The following EXOC1L variants were observed in gnomAD, a reference collection of about 807,000 sequenced individuals.
EXOC1L encodes exocyst complex component 1 like, also known as exocyst complex component 1-like.
Under a neutral mutation model 4.9 loss-of-function variants are expected in EXOC1L, and 10 were observed. The ratio of observed to expected loss-of-function variants is 2.02; its 90% CI spans 1.25 to 3.43. The LOEUF is 3.43. Ranked by LOEUF, EXOC1L falls within the 30% of genes most tolerant of loss-of-function variation. The pLI is 0.00. For missense variants in EXOC1L, 114 were observed against 59.4 expected, an observed-to-expected ratio of 1.92 and a Z score of -3.02; for synonymous variants, 41 against 20.8, an observed-to-expected ratio of 1.97 and a Z score of -2.63.
rs558271839 is a variant in EXOC1L at position 55,830,944 on chromosome 4, G to T, written c.122-390G>T. 6.6e-5 allele frequency among the ~76,000 whole-genome samples: 10 copies of T among 152,244 alleles called. No individual in the cohort carries two copies. The South Asian group carries it at 2.1e-3, about 32-fold the overall frequency. On this transcript the variant is annotated intron_variant, in intron 1 of 2. Transcript: ENST00000636125. ...TTCCATGACCTCATTTGCTTATATTGTCATAAATTAAAATTCCAACGTGTT... is the reference window on the plus strand; with the variant it reads ...TTCCATGACCTCATTTGCTTATATTTTCATAAATTAAAATTCCAACGTGTT...
intron 1 of EXOC1L, among the ~76,000 whole-genome samples, chr4:55,827,545 TTGGTACAAAA>T (rs1553920098): frequency 6.6e-6 from 1 of 152,198 alleles, no homozygotes; most frequent in Non-Finnish European, 1.5e-5. Context: ...AACACAGTGC[TTGGTACAAAA>T]AGGGCACTCG....
chr4:55,823,364 A>G lies in EXOC1L; in HGVS notation c.121+3217A>G, dbSNP rs556796117. Reference sequence around the variant, plus strand: ...GCTGCTACATTTGTGAATTCCCAATATCTTAACAACAGAGAGCACAATCTA... The same window carrying G: ...GCTGCTACATTTGTGAATTCCCAATGTCTTAACAACAGAGAGCACAATCTA... On this transcript the variant is annotated intron_variant, in intron 1 of 2. Transcript: ENST00000636125. Among the ~76,000 whole-genome samples, 23 of 152,314 alleles carry G rather than the reference A, an allele frequency of 1.5e-4. No homozygotes were observed. The East Asian group carries it at 3.9e-3, about 26-fold the overall frequency.
chr4:55,819,944 A>C lies in EXOC1L; in HGVS notation c.-83A>C. ...GGCAGGACTCACCAAGGAGCTGCAA[A>C]CCCAAACGAGAAATCTAGGGAGCAA... On this transcript the variant is annotated 5_prime_UTR_variant, in exon 1 of 3. Coordinates refer to ENST00000636125, the MANE Select transcript of EXOC1L (RefSeq NM_001351574.3). The C allele has an allele frequency of 2.5e-6, 1 of 396,344 alleles. No individual in the cohort carries two copies. The highest frequency in any genetic ancestry group is 4.5e-6 in the Non-Finnish European group (1 of 224,676). 24.6% of individuals were successfully genotyped at this position (396,344 alleles called of 1,614,324 possible).
chr4:55,820,820 C>G (rs1176440237), intron 1 of EXOC1L, among the ~76,000 whole-genome samples: 2 of 152,158 alleles, frequency 1.3e-5, no homozygotes, highest in African/African-American at 2.4e-5. Context: ...TTCCAAAATT[C>G]ATAAAAATTG....
intron 2 of EXOC1L, among the ~76,000 whole-genome samples, chr4:55,835,279 CA>C (rs1720131947): frequency 6.6e-6 from 1 of 151,478 alleles, no homozygotes; most frequent in African/African-American, 2.4e-5. Flanking sequence ...GGGCTGGTTC[CA>C]TATTTTTGCA....
chr4:55,827,143 G>A (rs1719905325), intron 1 of EXOC1L, among the ~76,000 whole-genome samples: 1 of 152,080 alleles, frequency 6.6e-6, no homozygotes, highest in Non-Finnish European at 1.5e-5. Flanking sequence ...TTCTCAGCCT[G>A]GTATTCTAGA....
chr4:55,833,994 C>A (rs12504347), intron 2 of EXOC1L, among the ~76,000 whole-genome samples: 11,771 of 151,930 alleles, frequency 0.077, 514 homozygotes, highest in African/African-American at 0.086. Context: ...AATACCCTGA[C>A]TGTTCTGGGA....
chr4:55,831,563 A>G, intron 2 of EXOC1L, 99 bp downstream of exon 2: 1 of 543,812 alleles, frequency 1.8e-6, no homozygotes, highest in Non-Finnish European at 3.2e-6. Flanking sequence ...ACTAAGTGTT[A>G]AGATGACATT....
In EXOC1L at chr4:55,837,417, C is replaced by A. The variant is rs914172560; in HGVS notation, c.*66C>A. ...GGTTTCCCAAGTAAATATTGATTGTCATAATTTTGTTTTTCCTTCATCAGT... is the reference window on the plus strand; with the variant it reads ...GGTTTCCCAAGTAAATATTGATTGTAATAATTTTGTTTTTCCTTCATCAGT... On this transcript the variant is annotated 3_prime_UTR_variant, in exon 3 of 3. Transcript: ENST00000636125. The A allele has an allele frequency of 2.3e-6, 1 of 431,106 alleles. No individual in the cohort carries two copies. The highest frequency in any genetic ancestry group is 7.3e-5 in the South Asian group (1 of 13,726). 26.7% of individuals were successfully genotyped at this position (431,106 alleles called of 1,614,324 possible).
At chr4:55,821,318 A>G (rs1222590971) in intron 1 of EXOC1L, among the ~76,000 whole-genome samples, 1 of 152,124 alleles carries the variant, frequency 6.6e-6, no homozygotes, top group Non-Finnish European at 1.5e-5. Flanking sequence ...TTGGCCCAGG[A>G]AAAAGAAATT....
chr4:55,835,309 A>G (rs1720132474), intron 2 of EXOC1L, among the ~76,000 whole-genome samples: 1 of 151,826 alleles, frequency 6.6e-6, no homozygotes, highest in African/African-American at 2.4e-5. Flanking sequence ...TTGTGCTACT[A>G]TAAACATGCA....
intron 1 of EXOC1L, among the ~76,000 whole-genome samples, chr4:55,827,157 C>G (rs1719905933): frequency 6.6e-6 from 1 of 152,200 alleles, no homozygotes; most frequent in Admixed American, 6.5e-5. Flanking sequence ...TTCTAGACCC[C>G]TCAGGAACTA....
At chr4:55,823,913 A>C (rs997391652) in intron 1 of EXOC1L, among the ~76,000 whole-genome samples, 1 of 152,218 alleles carries the variant, frequency 6.6e-6, no homozygotes, top group Non-Finnish European at 1.5e-5. Flanking sequence ...TGGTTCTGCG[A>C]CAACACAGAA....
chr4:55,828,605 G>A (rs1462676797), intron 1 of EXOC1L, among the ~76,000 whole-genome samples: 2 of 152,138 alleles, frequency 1.3e-5, no homozygotes, highest in Non-Finnish European at 1.5e-5. Context: ...GCCGAGGCAG[G>A]AGCATGGCTT....
At chr4:55,835,052 C>T (rs543628404) in intron 2 of EXOC1L, among the ~76,000 whole-genome samples, 1 of 151,946 alleles carries the variant, frequency 6.6e-6, no homozygotes, top group South Asian at 2.1e-4. Flanking sequence ...TAACTTAACT[C>T]CCACTTATGA....
chr4:55,825,076 A>T (rs1257496948), intron 1 of EXOC1L, among the ~76,000 whole-genome samples: 1 of 152,224 alleles, frequency 6.6e-6, no homozygotes, highest in Non-Finnish European at 1.5e-5. Flanking sequence ...ATTATTGATG[A>T]TGCAATAAAA....
chr4:55,837,382 C>G lies in EXOC1L; in HGVS notation c.*31C>G, dbSNP rs543438482. ...TGTACCACATTCCTTCATCAGTGAC[C>G]TATGAAAATGGTTTCCCAAGTAAAT... On this transcript the variant is annotated 3_prime_UTR_variant, in exon 3 of 3. Coordinates refer to ENST00000636125, the MANE Select transcript of EXOC1L (RefSeq NM_001351574.3). 2 of 443,490 alleles carry G rather than the reference C, an allele frequency of 4.5e-6. No individual in the cohort carries two copies. The highest frequency in any genetic ancestry group is 6.7e-5 in the East Asian group (2 of 30,012). The allele number at this position is 443,490 out of a possible 1,614,324, so 27.5% of individuals were successfully genotyped here. A position where few individuals can be genotyped will look rare whatever the true frequency, so the allele number is the denominator to read the frequency against.
intron 2 of EXOC1L, among the ~76,000 whole-genome samples, chr4:55,835,466 C>A (rs1720135992): frequency 6.6e-6 from 1 of 151,944 alleles, no homozygotes; most frequent in South Asian, 2.1e-4. Context: ...AGTTTACATT[C>A]CCACCAGCAG....
At chr4:55,832,302 G>A (rs949841277) in intron 2 of EXOC1L, among the ~76,000 whole-genome samples, 15 of 152,032 alleles carry the variant, frequency 9.9e-5, no homozygotes, top group Non-Finnish European at 1.9e-4. Context: ...TAGTGTTATT[G>A]TTGAATGAAT....
Sources: allele counts gnomAD v4.1 joint callset (sites outside exome capture counted in the v4.1 genomes callset), GRCh38; gene constraint gnomAD v4.1.1; transcripts MANE v1.5; gene names NCBI Gene and HGNC (gene_info 2026-07-23, HGNC 2026-07-21).